The following UBOX5 variants were observed in gnomAD, a reference collection of about 807,000 sequenced individuals.
The protein encoded by UBOX5 is RING finger protein 37.
UBOX5 carries 28 observed loss-of-function variants against 39.0 expected under a neutral mutation model. The ratio of observed to expected loss-of-function variants is 0.72; its 90% CI spans 0.53 to 0.98. UBOX5 has a LOEUF of 0.98. Ranked by LOEUF, UBOX5 falls within the 50% of genes least tolerant of loss-of-function variation. UBOX5 has a pLI of 0.00. For synonymous variants in UBOX5, 283 were observed against 275.5 expected (o/e 1.03, Z -0.27); for missense variants, 585 against 674.4 (o/e 0.87, Z 1.47).
intron 1 of UBOX5, among the ~76,000 whole-genome samples, chr20:3,141,914 G>A (rs1046793854): frequency 2.0e-5 from 3 of 151,884 alleles, no homozygotes; most frequent in Non-Finnish European, 4.4e-5. Context: ...TTGGAAGGCT[G>A]AGGCAGGAGG....
intron 1 of UBOX5, among the ~76,000 whole-genome samples, chr20:3,135,524 A>G (rs2066463008): frequency 6.6e-6 from 1 of 152,126 alleles, no homozygotes; most frequent in African/African-American, 2.4e-5. Context: ...TCATGCCAAA[A>G]AGTTTAGACT....
In UBOX5 at chr20:3,159,759, C is replaced by G. The variant is rs1400141570; in HGVS notation, c.-42+7G>C. 1 of 152,416 alleles carries G rather than the reference C, an allele frequency of 6.6e-6. No individual in the cohort carries two copies. Among genetic ancestry groups the G allele is most frequent in the East Asian group, 1.9e-4 (1 of 5,188 alleles). 9.4% of individuals were successfully genotyped at this position (152,416 alleles called of 1,614,324 possible). On this transcript the variant is annotated splice_region_variant and intron_variant, in intron 1 of 4. Transcript: ENST00000217173. ...CCGCGACCTCCTCCCCGGCCGCCGC[C>G]ACTCACCTGATCCTCCCGAAGGTGG... is the stretch of plus-strand genomic sequence containing the variant.
At chr20:3,123,216 G>A in intron 2 of UBOX5, 96 bp downstream of exon 2, 6 of 1,344,720 alleles carry the variant, frequency 4.5e-6, no homozygotes, top group South Asian at 1.2e-5. Flanking sequence ...CAAAAGTGCA[G>A]TAAGCCTGAA....
At chr20:3,118,154 G>A (rs1171312556) in intron 3 of UBOX5, among the ~76,000 whole-genome samples, 1 of 148,446 alleles carries the variant, frequency 6.7e-6, no homozygotes, top group African/African-American at 2.5e-5. Context: ...GAGGGAGACT[G>A]TTTCCAAAAA....
intron 1 of UBOX5, among the ~76,000 whole-genome samples, chr20:3,154,408 G>C (rs1011646872): frequency 5.9e-5 from 9 of 152,250 alleles, no homozygotes; most frequent in African/African-American, 2.2e-4. Context: ...CAGGCAGGAT[G>C]CAATGGCCCA....
chr20:3,116,733 T>C (rs151316781), intron 3 of UBOX5: 6 of 152,324 alleles, frequency 3.9e-5, no homozygotes, highest in African/African-American at 1.4e-4. Flanking sequence ...ATTTGCATAG[T>C]CTTTTAGAAG....
rs2066239617 is a variant in UBOX5 at position 3,109,886 on chromosome 20, G to A, written c.*220C>T. On this transcript the variant is annotated 3_prime_UTR_variant, in exon 5 of 5. Coordinates refer to ENST00000217173, the MANE Select transcript of UBOX5 (RefSeq NM_014948.4). ...CTCAGGCAGGGGGGGTGGCAGGGAG[G>A]CAGGGACATCCCCCCGCCCTCTGGC... 1 of 610,094 alleles carries A rather than the reference G, an allele frequency of 1.6e-6. No homozygotes were observed. The highest frequency in any genetic ancestry group is 2.8e-5 in the East Asian group (1 of 35,092). 37.8% of individuals were successfully genotyped at this position (610,094 alleles called of 1,614,324 possible).
chr20:3,122,233 A>C lies in UBOX5; in HGVS notation c.406T>G (p.Phe136Val). 6.2e-7 allele frequency: 1 copy of C among 1,614,230 alleles called. No homozygotes were observed. Residue 136 changes from phenylalanine (F) to valine (V), a missense_variant, in exon 3 of 5, where the codon TTC becomes GTC. Phe to Val is a conservative substitution (Grantham distance 50). Coordinates refer to ENST00000217173, the MANE Select transcript of UBOX5 (RefSeq NM_014948.4). ...GCGCCAAAAGGGGGCCTGGCCTTGA[A>C]GCCCCTGTGGCTAAACACCACTTGG... ...QSQVVFSHRG[F>V]KARPPFGAME...
chr20:3,122,420 C>T lies in UBOX5; in HGVS notation c.219G>A (p.Gly73=), dbSNP rs769720637. Residue 73 remains glycine (G), a synonymous_variant, in exon 3 of 5, where the codon GGG becomes GGA. Coordinates refer to ENST00000217173, the MANE Select transcript of UBOX5 (RefSeq NM_014948.4). ...ICRINIDLTA[G]GGQNVTGLEM... ...CCAGGCCAGTGACGTTCTGACCTCC[C>T]CCAGCTGTGAGGTCTATGTTGATCC... 1.2e-6 allele frequency: 2 copies of T among 1,614,182 alleles called. No homozygotes were observed. The highest frequency in any genetic ancestry group is 2.2e-5 in the South Asian group (2 of 91,080).
Position 3,110,280 on chromosome 20 carries a change from G to C in UBOX5, c.1452C>G (p.Ala484=). 1 of 1,614,150 alleles carries C rather than the reference G, an allele frequency of 6.2e-7. No homozygotes were observed. Among genetic ancestry groups the C allele is most frequent in the Non-Finnish European group, 8.5e-7 (1 of 1,180,040 alleles). ...QPGSILGPEC[A]SCKRVFSPYF... ...AGGGAGAAAATACTCTTTTGCAGGA[G>C]GCACATTCGGGGCCCAGGATGCTCC... Residue 484 remains alanine, a synonymous_variant, in exon 5 of 5, where the codon GCC becomes GCG. Coordinates refer to ENST00000217173, the MANE Select transcript of UBOX5 (RefSeq NM_014948.4).
chr20:3,112,675 C>T (rs2066262438), intron 4 of UBOX5, among the ~76,000 whole-genome samples: 1 of 152,156 alleles, frequency 6.6e-6, no homozygotes, highest in Non-Finnish European at 1.5e-5. Flanking sequence ...ACACAGTGGT[C>T]GGGCACGGTG....
intron 1 of UBOX5, among the ~76,000 whole-genome samples, chr20:3,150,170 C>G (rs2066610229): frequency 6.6e-6 from 1 of 152,080 alleles, no homozygotes; most frequent in Non-Finnish European, 1.5e-5. Context: ...AAGCTTATAA[C>G]AGAATTTGAG....
At chr20:3,137,933 C>A (rs1163031901) in intron 1 of UBOX5, among the ~76,000 whole-genome samples, 1 of 152,190 alleles carries the variant, frequency 6.6e-6, no homozygotes, top group African/African-American at 2.4e-5. Flanking sequence ...TTAGTCTTGG[C>A]ATTCATGTCA....
At chr20:3,123,848 T>C (rs1416558416) in intron 1 of UBOX5, among the ~76,000 whole-genome samples, 5 of 152,354 alleles carry the variant, frequency 3.3e-5, no homozygotes, top group African/African-American at 1.2e-4. Flanking sequence ...TGTTTTCTTA[T>C]TAAAATGAAA....
chr20:3,145,825 C>T (rs2066556159), intron 1 of UBOX5, among the ~76,000 whole-genome samples: 1 of 152,110 alleles, frequency 6.6e-6, no homozygotes, highest in Non-Finnish European at 1.5e-5. Flanking sequence ...GTGAGTGGAT[C>T]ATCTGAGGTC....
chr20:3,113,223 G>A (rs1386062237), intron 4 of UBOX5, among the ~76,000 whole-genome samples: 4 of 151,584 alleles, frequency 2.6e-5, no homozygotes, highest in Admixed American at 2.0e-4. Flanking sequence ...AGGAAGTGGA[G>A]GTTGCAGTGA....
intron 4 of UBOX5, 139 bp from the exon 5 acceptor site, chr20:3,110,453 G>A: frequency 1.0e-6 from 1 of 1,000,546 alleles, no homozygotes; most frequent in Non-Finnish European, 1.5e-6. Flanking sequence ...AGTCTGATCA[G>A]GTAGGGGAGT....
rs1246657987 is a variant in UBOX5 at position 3,149,943 on chromosome 20, C to T, written c.-42+9823G>A. 1.3e-5 allele frequency among the ~76,000 whole-genome samples: 2 copies of T among 150,628 alleles called. No homozygotes were observed. Among genetic ancestry groups the T allele is most frequent in the Non-Finnish European group, 2.9e-5 (2 of 67,872 alleles). On this transcript the variant is annotated intron_variant, in intron 1 of 4. Coordinates refer to ENST00000217173, the MANE Select transcript of UBOX5 (RefSeq NM_014948.4). This position sits in a 1 kb window ranked among gnomAD's most constrained non-coding sequence, Gnocchi z 4.1. Reference sequence around the variant, plus strand: ...CTGAGGCAGGAGAATCCCTTGAACCCAGGAGGCAGAGGTTGCGGTGAGCCA... The same window carrying T: ...CTGAGGCAGGAGAATCCCTTGAACCTAGGAGGCAGAGGTTGCGGTGAGCCA...
chr20:3,158,666 G>A (rs1025664598), intron 1 of UBOX5, among the ~76,000 whole-genome samples: 4 of 151,994 alleles, frequency 2.6e-5, no homozygotes, highest in African/African-American at 4.8e-5. Context: ...AGTAGAGACG[G>A]GGTTTCACCA....
Sources: allele counts gnomAD v4.1 joint callset (sites outside exome capture counted in the v4.1 genomes callset), GRCh38; gene constraint gnomAD v4.1.1; non-coding constraint Gnocchi (gnomAD v3.1); transcripts MANE v1.5; gene names NCBI Gene and HGNC (gene_info 2026-07-23, HGNC 2026-07-21).